Variants in SPATA16 observed in about 807,000 individuals in gnomAD.
The protein encoded by SPATA16 is spermatogenesis-associated protein 16.
A neutral mutation model predicts 63.3 loss-of-function variants in SPATA16; 36 were observed. The ratio of observed to expected loss-of-function variants is 0.57; its 90% CI spans 0.44 to 0.75. The LOEUF (loss-of-function observed/expected upper bound fraction) is 0.75, where lower values mean the gene tolerates loss of function less well. Among genes scored for constraint, SPATA16 ranks in the 30% least tolerant of loss-of-function variants. The probability of loss-of-function intolerance (pLI) is 0.00; values close to 1 mark genes in which losing one functional copy is unlikely to be tolerated. For synonymous variants in SPATA16, 203 were observed against 216.7 expected (o/e 0.94, Z 0.56); for missense variants, 646 against 679.3 (o/e 0.95, Z 0.54).
rs563129322 is a variant in SPATA16 at position 173,047,204 on chromosome 3, CT to C, written c.758+1744del. Among the ~76,000 whole-genome samples, 644 of 142,600 alleles carry C rather than the reference CT, an allele frequency of 4.5e-3. 3 individuals are homozygous for C. The highest frequency in any genetic ancestry group is 0.01 in the African/African-American group (412 of 39,558). The allele number at this position is 142,600 out of a possible 152,430, so 93.6% of individuals were successfully genotyped here. ...AATTTTTGATCTTTCGTTCTCATTA[CT>C]TTTTTTTTTTTTACTGAATTCTTGT... On this transcript the variant is annotated intron_variant, in intron 3 of 10. Coordinates refer to ENST00000351008, the MANE Select transcript of SPATA16 (RefSeq NM_031955.6).
chr3:173,002,125 T>A (rs1453937195), intron 4 of SPATA16, among the ~76,000 whole-genome samples: 2 of 152,302 alleles, frequency 1.3e-5, no homozygotes, highest in East Asian at 3.9e-4. Flanking sequence ...TCAATATTTA[T>A]TTTGATTTTA....
intron 2 of SPATA16, among the ~76,000 whole-genome samples, chr3:173,106,835 C>T (rs11915824): frequency 0.014 from 2,078 of 152,126 alleles, 26 homozygotes; most frequent in Middle Eastern, 0.065. Flanking sequence ...ATTTATGTTT[C>T]GAGGTTCATT....
intron 10 of SPATA16, among the ~76,000 whole-genome samples, chr3:172,896,873 TTC>T (rs1189561722): frequency 3.3e-5 from 5 of 152,138 alleles, no homozygotes; most frequent in Non-Finnish European, 7.4e-5. Context: ...TGCAAGTATT[TTC>T]TCTCATGCTG....
chr3:173,065,023 C>G (rs1260086493), intron 2 of SPATA16, among the ~76,000 whole-genome samples: 1 of 152,148 alleles, frequency 6.6e-6, no homozygotes, highest in African/African-American at 2.4e-5. Flanking sequence ...TCTTCTAGTA[C>G]CACAAGTTCT....
chr3:172,973,240 C>A (rs781050199), intron 5 of SPATA16, among the ~76,000 whole-genome samples: 10 of 151,944 alleles, frequency 6.6e-5, no homozygotes, highest in Non-Finnish European at 1.3e-4. Flanking sequence ...CCAATTCAAT[C>A]AGATAAAAAG....
chr3:173,123,490 C>T (rs532410721), intron 1 of SPATA16, among the ~76,000 whole-genome samples: 1 of 151,880 alleles, frequency 6.6e-6, no homozygotes, highest in Non-Finnish European at 1.5e-5. Context: ...AGATATTTGA[C>T]TTTACTGCTG....
chr3:172,963,361 G>A (rs183308115), intron 5 of SPATA16, among the ~76,000 whole-genome samples: 7 of 152,078 alleles, frequency 4.6e-5, no homozygotes, highest in African/African-American at 1.7e-4. Context: ...TGCATAAACA[G>A]GTTACTTGTA....
chr3:172,926,336 T>C (rs1284407096), intron 6 of SPATA16, among the ~76,000 whole-genome samples: 1 of 152,246 alleles, frequency 6.6e-6, no homozygotes, highest in Non-Finnish European at 1.5e-5. Flanking sequence ...TGAAAATGGT[T>C]CTAAAACAGA....
At chr3:173,107,726 G>A (rs550123196) in intron 2 of SPATA16, among the ~76,000 whole-genome samples, 1 of 152,220 alleles carries the variant, frequency 6.6e-6, no homozygotes, top group East Asian at 1.9e-4. Flanking sequence ...TTCAGAGTCT[G>A]TTTAACTATG....
chr3:173,129,369 T>G (rs1202768131), intron 1 of SPATA16, among the ~76,000 whole-genome samples: 1 of 152,196 alleles, frequency 6.6e-6, no homozygotes, highest in Admixed American at 6.5e-5. Context: ...AACTTTGATG[T>G]ATCTTGGTTT....
chr3:173,056,849 G>A (rs1036435925), intron 2 of SPATA16, among the ~76,000 whole-genome samples: 2 of 149,604 alleles, frequency 1.3e-5, no homozygotes, highest in Non-Finnish European at 3.0e-5. Context: ...TTTTTTAAAT[G>A]AAACCAGGCA....
At chr3:173,124,163 G>A (rs1738163818) in intron 1 of SPATA16, among the ~76,000 whole-genome samples, 2 of 152,224 alleles carry the variant, frequency 1.3e-5, no homozygotes, top group South Asian at 2.1e-4. Flanking sequence ...GTCAGAGGGA[G>A]CATTAGAAGG....
intron 5 of SPATA16, among the ~76,000 whole-genome samples, chr3:172,964,629 A>T (rs1052364669): frequency 1.3e-5 from 2 of 152,132 alleles, no homozygotes; most frequent in African/African-American, 4.8e-5. Context: ...TGTGCATTTC[A>T]TCTCTATATT....
chr3:173,034,778 T>G (rs2108286144), intron 3 of SPATA16, among the ~76,000 whole-genome samples: 1 of 152,320 alleles, frequency 6.6e-6, no homozygotes, highest in Non-Finnish European at 1.5e-5. Flanking sequence ...ATATGGGAAT[T>G]ATCTCAATAC....
intron 2 of SPATA16, among the ~76,000 whole-genome samples, chr3:173,083,051 A>G (rs573854143): frequency 3.9e-5 from 6 of 152,260 alleles, no homozygotes; most frequent in Non-Finnish European, 7.4e-5. Context: ...TAAAGTACAT[A>G]TGCAACATTT....
chr3:172,910,328 G>A (rs981385445), intron 10 of SPATA16, among the ~76,000 whole-genome samples: 3 of 151,936 alleles, frequency 2.0e-5, no homozygotes, highest in African/African-American at 7.3e-5. Flanking sequence ...TCCTGACCTC[G>A]TGATCCGCCC....
At chr3:172,989,385 C>T (rs181212656) in intron 4 of SPATA16, among the ~76,000 whole-genome samples, 17 of 152,224 alleles carry the variant, frequency 1.1e-4, no homozygotes, top group Admixed American at 9.1e-4. Context: ...ATTGCACATT[C>T]GTGTTTCATT....
chr3:173,050,966 C>A (rs1441348634), intron 2 of SPATA16, among the ~76,000 whole-genome samples: 1 of 152,126 alleles, frequency 6.6e-6, no homozygotes, highest in East Asian at 1.9e-4. Flanking sequence ...GGCTTTAAAA[C>A]ATAATTTTAG....
intron 2 of SPATA16, among the ~76,000 whole-genome samples, chr3:173,081,664 G>A (rs940318806): frequency 6.6e-6 from 1 of 152,198 alleles, no homozygotes; most frequent in Non-Finnish European, 1.5e-5. Context: ...CTTTAAAAAT[G>A]TGGTGGAGTA....
Sources: allele counts gnomAD v4.1 joint callset (sites outside exome capture counted in the v4.1 genomes callset), GRCh38; gene constraint gnomAD v4.1.1; transcripts MANE v1.5; gene names NCBI Gene and HGNC (gene_info 2026-07-23, HGNC 2026-07-21).